The following SLC27A6 variants were observed in gnomAD, a reference collection of about 807,000 sequenced individuals.
SLC27A6 encodes the protein solute carrier family 27 member 6, also known as long-chain fatty acid transport protein 6.
SLC27A6 carries 74 observed loss-of-function variants against 63.9 expected under a neutral mutation model. The ratio of observed to expected loss-of-function variants is 1.16; its 90% CI spans 0.96 to 1.40. The LOEUF (loss-of-function observed/expected upper bound fraction) is 1.40. SLC27A6 is among the 40% of genes most tolerant of loss of function. The pLI is 0.00. For synonymous variants in SLC27A6, 287 were observed against 260.8 expected (o/e 1.10, Z -0.97); for missense variants, 794 against 732.9 (o/e 1.08, Z -0.96).
intron 4 of SLC27A6, among the ~76,000 whole-genome samples, chr5:128,990,729 C>T (rs753249110): frequency 2.0e-5 from 3 of 152,130 alleles, no homozygotes; most frequent in Non-Finnish European, 4.4e-5. Context: ...AGTGTTATAG[C>T]TCTATTAGAA....
chr5:128,996,066 A>G (rs1751150349), intron 4 of SLC27A6, among the ~76,000 whole-genome samples: 1 of 152,210 alleles, frequency 6.6e-6, no homozygotes, highest in African/African-American at 2.4e-5. Flanking sequence ...TTAGGCATCC[A>G]GATGAATAAG....
chr5:128,997,140 A>G (rs1045697288), intron 4 of SLC27A6, among the ~76,000 whole-genome samples: 3 of 152,170 alleles, frequency 2.0e-5, no homozygotes, highest in African/African-American at 7.2e-5. Flanking sequence ...ACCACATTTT[A>G]GTAACTTTTT....
intron 1 of SLC27A6, among the ~76,000 whole-genome samples, chr5:128,973,544 T>G (rs572371217): frequency 6.6e-6 from 1 of 152,180 alleles, no homozygotes; most frequent in Non-Finnish European, 1.5e-5. Context: ...GTGCTAGCAG[T>G]GAGCAAGGCT....
rs748505964 is a variant in SLC27A6, at chr5:128,990,326, G to A, written c.845-14G>A. 2 of 1,604,870 alleles carry A rather than the reference G, an allele frequency of 1.2e-6. No homozygotes were observed. The highest frequency in any genetic ancestry group is 1.7e-6 in the Non-Finnish European group (2 of 1,177,650). On this transcript the variant is annotated splice_polypyrimidine_tract_variant and intron_variant, in intron 3 of 9. Transcript: ENST00000262462. Reference sequence around the variant, plus strand: ...ATTTTTTTCCCTAGTGCCTGTTTTTGTCTTTTCTTATAGGTGCCACTTGTG... The same window carrying A: ...ATTTTTTTCCCTAGTGCCTGTTTTTATCTTTTCTTATAGGTGCCACTTGTG...
Position 129,021,316 on chromosome 5 carries a change from A to T in SLC27A6, c.1165-2304A>T, listed in dbSNP as rs559124691. On this transcript the variant is annotated intron_variant, in intron 5 of 9. Transcript: ENST00000262462. ...ATTCTTTACTACACAGGGACTGATG[A>T]TAACTCTGTTCCCGACTCTACTACT... Among the ~76,000 whole-genome samples the T allele has an allele frequency of 2.6e-5, 4 of 152,096 alleles. No homozygotes were observed. The East Asian group carries it at 7.7e-4, about 29-fold the overall frequency.
intron 1 of SLC27A6, among the ~76,000 whole-genome samples, chr5:128,979,625 T>TAAGAG (rs1377247008): frequency 6.6e-6 from 1 of 152,208 alleles, no homozygotes; most frequent in African/African-American, 2.4e-5. Context: ...ATTTCAGTAA[T>TAAGAG]AATTATTCAT....
intron 1 of SLC27A6, among the ~76,000 whole-genome samples, chr5:128,968,012 T>G (rs1171028054): frequency 6.6e-6 from 1 of 151,848 alleles, no homozygotes; most frequent in African/African-American, 2.4e-5. Flanking sequence ...ACATGTGGTG[T>G]TTGGTTTTCT....
intron 1 of SLC27A6, among the ~76,000 whole-genome samples, chr5:128,976,469 G>C (rs1750384603): frequency 6.6e-6 from 1 of 152,162 alleles, no homozygotes. Flanking sequence ...AGCTGAGATC[G>C]TGCCATTGCA....
chr5:129,003,311 T>C (rs1036628594), intron 4 of SLC27A6, among the ~76,000 whole-genome samples: 1 of 152,178 alleles, frequency 6.6e-6, no homozygotes, highest in Non-Finnish European at 1.5e-5. Context: ...TTGCAAACTG[T>C]AAGATACAGC....
chr5:128,966,228 T>C lies in SLC27A6; in HGVS notation c.91T>C (p.Phe31Leu). 5.6e-6 allele frequency: 9 copies of C among 1,612,906 alleles called. No individual in the cohort carries two copies. The highest frequency in any genetic ancestry group is 7.6e-6 in the Non-Finnish European group (9 of 1,179,344). Residue 31 changes from phenylalanine (F) to leucine (L), a missense_variant, in exon 1 of 10, where the codon TTC becomes CTC. Coordinates refer to ENST00000262462, the MANE Select transcript of SLC27A6 (RefSeq NM_001017372.3). ...CCTGTTCCCTTACTTTTGGGATGAC[T>C]TCTGGTTCGTGTTGAAGGTGGTGCT... ...KLLFPYFWDDFWFVLKVVLII... is the reference protein window; with the variant it reads ...KLLFPYFWDDLWFVLKVVLII...
chr5:129,000,807 A>G (rs1751307153), intron 4 of SLC27A6, among the ~76,000 whole-genome samples: 1 of 152,194 alleles, frequency 6.6e-6, no homozygotes, highest in Non-Finnish European at 1.5e-5. Context: ...CAAGTCTTGC[A>G]GACCGTTGGA....
intron 1 of SLC27A6, among the ~76,000 whole-genome samples, chr5:128,974,564 C>T (rs1750311103): frequency 6.6e-6 from 1 of 152,184 alleles, no homozygotes; most frequent in Non-Finnish European, 1.5e-5. Flanking sequence ...TATAAACATA[C>T]TCTTTTTAGC....
Position 129,005,870 on chromosome 5 carries a change from C to G in SLC27A6, c.970-10015C>G, listed in dbSNP as rs372474313. ...CTCGTGATCCGCCTGCCTCGGCCCC[C>G]CAAAGTGCTAGGATTACAGGCGTGA... On this transcript the variant is annotated intron_variant, in intron 4 of 9. Transcript: ENST00000262462. 2.4e-3 allele frequency among the ~76,000 whole-genome samples: 358 copies of G among 151,560 alleles called. 2 individuals are homozygous for G. Among genetic ancestry groups the G allele is most frequent in the African/African-American group, 8.2e-3 (338 of 41,316 alleles).
chr5:128,969,639 C>T (rs1427630036), intron 1 of SLC27A6, among the ~76,000 whole-genome samples: 1 of 152,184 alleles, frequency 6.6e-6, no homozygotes, highest in African/African-American at 2.4e-5. Flanking sequence ...GCTGAAGTTG[C>T]TTATCAGCTT....
intron 4 of SLC27A6, among the ~76,000 whole-genome samples, chr5:129,014,909 C>T (rs1014167897): frequency 1.4e-4 from 22 of 152,176 alleles, no homozygotes; most frequent in African/African-American, 5.1e-4. Flanking sequence ...CCTCTCAACT[C>T]ACTTCTCTCT....
chr5:128,990,493 A>C, intron 4 of SLC27A6, 29 bp downstream of exon 4: 1 of 1,563,498 alleles, frequency 6.4e-7, no homozygotes, highest in South Asian at 1.2e-5. Context: ...AGAAAAAAAT[A>C]TGTCAGAAAG....
At chr5:129,003,881 T>G (rs889103965) in intron 4 of SLC27A6, among the ~76,000 whole-genome samples, 22 of 151,006 alleles carry the variant, frequency 1.5e-4, no homozygotes, top group African/African-American at 5.1e-4. Context: ...GGTGGGAGGA[T>G]TGCTTGAGCA....
chr5:128,997,926 G>A (rs561418144), intron 4 of SLC27A6, among the ~76,000 whole-genome samples: 1 of 151,998 alleles, frequency 6.6e-6, no homozygotes, highest in Admixed American at 6.6e-5. Flanking sequence ...TCATAATCCA[G>A]TTATGAGATA....
intron 1 of SLC27A6, among the ~76,000 whole-genome samples, chr5:128,975,853 A>T (rs1351560558): frequency 6.6e-6 from 1 of 152,210 alleles, no homozygotes; most frequent in Non-Finnish European, 1.5e-5. Flanking sequence ...TTCAACAGAT[A>T]TTATAAATAA....
Sources: allele counts gnomAD v4.1 joint callset (sites outside exome capture counted in the v4.1 genomes callset), GRCh38; gene constraint gnomAD v4.1.1; transcripts MANE v1.5; gene names NCBI Gene and HGNC (gene_info 2026-07-23, HGNC 2026-07-21).